The following GLI3 variants were observed in gnomAD, a reference collection of about 807,000 sequenced individuals.
GLI3 encodes transcription activator GLI3.
GLI3 carries 20 observed loss-of-function variants against 100.8 expected under a neutral mutation model. The ratio of observed to expected loss-of-function variants is 0.20; its 90% CI spans 0.14 to 0.29. GLI3 has a LOEUF of 0.29. Among genes scored for constraint, GLI3 ranks in the 10% least tolerant of loss-of-function variants. GLI3 has a pLI of 1.00. For missense variants in GLI3, 2,040 were observed against 2,128.5 expected (o/e 0.96, Z 0.82); for synonymous variants, 938 against 860.5 (o/e 1.09, Z -1.58).
At chr7:42,202,336 TCTCTCTCTCTCACA>T (rs1788057693) in intron 2 of GLI3, among the ~76,000 whole-genome samples, 1 of 34,290 alleles carries the variant, frequency 2.9e-5, no homozygotes, top group South Asian at 2.1e-3. Flanking sequence ...TCTCTCTCTC[TCTCTCTCTCTCACA>T]CACACACACA....
At position 42,071,911 on chromosome 7, in the gene GLI3, C is replaced by T. The variant is rs76903854; in HGVS notation, c.473+4841G>A. ...GCCACTTTTAGTGGGAAGAACAGCT[C>T]TCCTTACTTAGGTGGAATGATTCCA... is the stretch of plus-strand genomic sequence containing the variant. On this transcript the variant is annotated intron_variant, in intron 4 of 14. Coordinates refer to ENST00000395925, the MANE Select transcript of GLI3 (RefSeq NM_000168.6). Among the ~76,000 whole-genome samples the T allele has an allele frequency of 4.1e-3, 618 of 152,198 alleles. 5 individuals are homozygous for T. The highest frequency in any genetic ancestry group is 0.014 in the African/African-American group (582 of 41,514).
chr7:42,086,393 T>A (rs1367037460), intron 3 of GLI3, among the ~76,000 whole-genome samples: 1 of 152,140 alleles, frequency 6.6e-6, no homozygotes, highest in African/African-American at 2.4e-5. Context: ...AGGCTTTTTA[T>A]CATAGCTTAT....
chr7:42,115,197 G>A (rs1785822569), intron 3 of GLI3, among the ~76,000 whole-genome samples: 1 of 135,962 alleles, frequency 7.4e-6, no homozygotes, highest in Non-Finnish European at 1.5e-5. Flanking sequence ...GGAGTGCAGT[G>A]GTGTGATCTC....
At position 42,076,940 on chromosome 7, in the gene GLI3, A is replaced by G. The variant is rs377552401; in HGVS notation, c.368-83T>C. ...ATTCACAAAGCAACATTGCTATACT[A>G]TTGTATCTTCACTACCTACACTTAA... On this transcript the variant is annotated intron_variant, in intron 3 of 14. Coordinates refer to ENST00000395925, the MANE Select transcript of GLI3 (RefSeq NM_000168.6). The G allele has an allele frequency of 6.1e-4, 502 of 816,606 alleles. 3 individuals carry two copies. In the South Asian group the frequency reaches 6.8e-3, roughly 11 times the overall value. 50.6% of individuals were successfully genotyped at this position (816,606 alleles called of 1,614,324 possible).
intron 3 of GLI3, among the ~76,000 whole-genome samples, chr7:42,129,086 T>A (rs1248666709): frequency 6.6e-6 from 1 of 152,236 alleles, no homozygotes; most frequent in Admixed American, 6.5e-5. Flanking sequence ...GTAAGTTTTG[T>A]AGTAATGATA....
Position 41,965,595 on chromosome 7 carries a change from T to C in GLI3, c.3478A>G (p.Ile1160Val). 6.2e-7 allele frequency: 1 copy of C among 1,606,764 alleles called. No individual in the cohort carries two copies. The highest frequency in any genetic ancestry group is 8.5e-7 in the Non-Finnish European group (1 of 1,174,158). ...CPEGSKTDLP[I>V]QWNEVSSGSA... ...CCGGAGCTGACTTCGTTCCACTGAA[T>C]GGGCAGGTCGGTTTTGCTGCCCTCG... Residue 1160 changes from isoleucine to valine, a missense_variant, in exon 15 of 15, where the codon ATT (isoleucine) becomes GTT (valine). Around this residue, in one of 5 missense-constraint regions of GLI3, gnomAD observed 1,041 missense variants for 924.0 expected, o/e 1.13. Coordinates refer to ENST00000395925, the MANE Select transcript of GLI3 (RefSeq NM_000168.6).
Position 42,052,161 on chromosome 7 carries a change from G to C in GLI3, c.474-3465C>G, listed in dbSNP as rs530448904. 1.1e-4 allele frequency among the ~76,000 whole-genome samples: 16 copies of C among 152,120 alleles called. No homozygotes were observed. In the East Asian group the frequency reaches 1.2e-3, roughly 11 times the overall value. On this transcript the variant is annotated intron_variant, in intron 4 of 14. Transcript: ENST00000395925. ...TTTTTTCAAAGTTCATTTCCTTTTA[G>C]CACTGAATAATATTCCATTGTATGG...
At chr7:42,201,325 G>A (rs906985221) in intron 2 of GLI3, among the ~76,000 whole-genome samples, 18 of 152,082 alleles carry the variant, frequency 1.2e-4, no homozygotes, top group African/African-American at 4.3e-4. Flanking sequence ...GGGTAAGGAG[G>A]GACTCCTGTA....
intron 1 of GLI3, among the ~76,000 whole-genome samples, chr7:42,223,619 A>G (rs1469111175): frequency 6.6e-6 from 1 of 152,214 alleles, no homozygotes; most frequent in African/African-American, 2.4e-5. Context: ...CAAGTGTCAC[A>G]TTACTTTTTA....
intron 2 of GLI3, among the ~76,000 whole-genome samples, chr7:42,210,444 A>G (rs576352123): frequency 2.1e-5 from 3 of 142,968 alleles, no homozygotes; most frequent in Admixed American, 7.4e-5. Flanking sequence ...TAAAGTTTCT[A>G]TATTTGATAG....
intron 2 of GLI3, among the ~76,000 whole-genome samples, chr7:42,170,397 CTTTTTTTTTTTTTT>C (rs1185274818): frequency 1.2e-5 from 1 of 81,064 alleles, no homozygotes; most frequent in Non-Finnish European, 2.3e-5. Context: ...ACTTACTGAT[CTTTTTTTTTTTTTT>C]TTTTTTTTTG....
chr7:41,983,842 A>G (rs1394924539), intron 10 of GLI3, among the ~76,000 whole-genome samples: 4 of 152,174 alleles, frequency 2.6e-5, no homozygotes, highest in African/African-American at 7.2e-5. Flanking sequence ...CAGTTTTCCA[A>G]TTGGGGCTCC....
chr7:42,046,920 T>A (rs1389551287), intron 5 of GLI3, among the ~76,000 whole-genome samples: 1 of 151,696 alleles, frequency 6.6e-6, no homozygotes, highest in Admixed American at 6.6e-5. Context: ...CTTTGGGAGG[T>A]AGAGGTGGGT....
chr7:42,142,202 T>A (rs1003876), intron 3 of GLI3, among the ~76,000 whole-genome samples: 106,917 of 151,970 alleles, frequency 0.7, 38,533 homozygotes, highest in Admixed American at 0.82. Context: ...CCTTTAAACA[T>A]AAGCAGGATT....
chr7:42,213,730 G>A (rs995252514), intron 2 of GLI3, among the ~76,000 whole-genome samples: 3 of 152,190 alleles, frequency 2.0e-5, no homozygotes, highest in Admixed American at 6.5e-5. Context: ...TGGAAATGTC[G>A]CCTATCCATT....
At chr7:42,102,335 AAGCCTGAGTCCTG>A (rs533331950) in intron 3 of GLI3, among the ~76,000 whole-genome samples, 2,830 of 152,270 alleles carry the variant, frequency 0.019, 77 homozygotes, top group African/African-American at 0.065. Context: ...CCTCTGCTGA[AAGCCTGAGTCCTG>A]AGCCTGAGTT....
At chr7:41,993,034 T>C (rs1788033587) in intron 10 of GLI3, among the ~76,000 whole-genome samples, 1 of 152,194 alleles carries the variant, frequency 6.6e-6, no homozygotes, top group Non-Finnish European at 1.5e-5. Context: ...TTCAGTTCTG[T>C]GCAACAGCCT....
At chr7:41,977,908 TAAA>T in intron 11 of GLI3, 186 bp from the exon 12 acceptor site, 2 of 633,736 alleles carry the variant, frequency 3.2e-6, no homozygotes, top group Non-Finnish European at 5.6e-6. Flanking sequence ...TAGTTCCAGA[TAAA>T]GAGTTTTCAG....
intron 3 of GLI3, chr7:42,113,630 T>C: frequency 1.0e-6 from 1 of 953,078 alleles, no homozygotes; most frequent in Non-Finnish European, 1.7e-6. Context: ...GTGAAGTGTC[T>C]GCATTTTTGA....
Sources: gnomAD v4.1 joint callset for allele counts (sites outside exome capture counted in the v4.1 genomes callset) on GRCh38, gnomAD v4.1.1 for gene constraint, gnomAD v4.1.1 regional missense constraint, MANE v1.5 for transcripts, NCBI Gene and HGNC (gene_info 2026-07-23, HGNC 2026-07-21) for gene names.